The following AFAP1L2 variants were observed in gnomAD, a reference collection of about 807,000 sequenced individuals.
The protein encoded by AFAP1L2 is actin filament associated protein 1 like 2.
AFAP1L2 carries 46 observed loss-of-function variants against 99.3 expected under a neutral mutation model. The observed-to-expected ratio is 0.46, with a 90% CI of 0.37 to 0.59. AFAP1L2 has a LOEUF of 0.59. Ranked by LOEUF, AFAP1L2 falls within the 20% of genes least tolerant of loss-of-function variation. The pLI is 0.00. For missense variants in AFAP1L2, 959 were observed against 1,034.9 expected, an observed-to-expected ratio of 0.93 and a Z score of 1.01; for synonymous variants, 397 against 419.1, an observed-to-expected ratio of 0.95 and a Z score of 0.64.
chr10:114,296,361 A>G lies in AFAP1L2; in HGVS notation c.2431-293T>C, dbSNP rs2040229476. 4 of 436,234 alleles carry G rather than the reference A, an allele frequency of 9.2e-6. No individual in the cohort carries two copies. The Middle Eastern group carries it at 1.9e-3, about 208-fold the overall frequency. 27.0% of individuals were successfully genotyped at this position (436,234 alleles called of 1,614,324 possible). ...GTTAGCCATTGTTGTGGGACCTCCA[A>G]ATATCTCCAGCAGGTAAGGAGGATA... is the stretch of plus-strand genomic sequence containing the variant. On this transcript the variant is annotated intron_variant, in intron 18 of 18. Transcript: ENST00000304129.
Position 114,323,171 on chromosome 10 carries a change from C to T in AFAP1L2, c.406G>A (p.Glu136Lys). The T allele has an allele frequency of 6.3e-7, 1 of 1,592,146 alleles. No individual in the cohort carries two copies. The highest frequency in any genetic ancestry group is 1.1e-5 in the South Asian group (1 of 87,528). ...EAEPYDTSLN[E>K]DGEAVSSSYE... is the part of the protein sequence containing the mutation. Reference sequence around the variant, plus strand: ...CCAAGCCCCAGCCGCTGGGATGTACCATTGAGGGATGTGTCATATGGCTCA... The same window carrying T: ...CCAAGCCCCAGCCGCTGGGATGTACTATTGAGGGATGTGTCATATGGCTCA... The change falls in exon 5 of 19, where the codon GAG becomes AAG. Residue 136 changes from glutamate to lysine, a missense_variant and splice_region_variant. Glu to Lys is a moderately conservative substitution (Grantham distance 56, BLOSUM62 1). Around this residue, in one of 2 missense-constraint regions of AFAP1L2, gnomAD observed 383 missense variants for 472.8 expected, o/e 0.81. Transcript: ENST00000304129.
chr10:114,305,107 G>C, intron 10 of AFAP1L2, 177 bp from the exon 11 acceptor site: 1 of 622,446 alleles, frequency 1.6e-6, no homozygotes, highest in Admixed American at 2.3e-5. Context: ...AGATGCAGGA[G>C]GGGACCGGGC....
At chr10:114,302,159 C>T in intron 12 of AFAP1L2, 180 bp downstream of exon 12, 1 of 932,094 alleles carries the variant, frequency 1.1e-6, no homozygotes, top group Non-Finnish European at 1.6e-6. Flanking sequence ...GCTCTTAGCT[C>T]AGCTCCTGGC....
intron 16 of AFAP1L2, 131 bp downstream of exon 16, chr10:114,299,129 C>T: frequency 9.3e-7 from 1 of 1,077,844 alleles, no homozygotes; most frequent in Admixed American, 2.2e-5. Flanking sequence ...GAGCACCCAC[C>T]CAGGCCAAGG....
At chr10:114,389,372 G>A (rs868842075) in intron 1 of AFAP1L2, among the ~76,000 whole-genome samples, 1 of 152,370 alleles carries the variant, frequency 6.6e-6, no homozygotes, top group South Asian at 2.1e-4. Context: ...GAAGTGGGGA[G>A]AGGGAGTGTA....
chr10:114,285,699 T>G, the AFAP1L2 span, among the ~76,000 whole-genome samples: 2 of 152,072 alleles, frequency 1.3e-5, no homozygotes, highest in Admixed American at 1.3e-4. Context: ...TGGAAAAAAG[T>G]GATAATGTAG....
At chr10:114,320,680 C>T (rs1442303277) in intron 5 of AFAP1L2, among the ~76,000 whole-genome samples, 1 of 152,206 alleles carries the variant, frequency 6.6e-6, no homozygotes, top group Non-Finnish European at 1.5e-5. Context: ...AATATGAACT[C>T]ACAGTTGAGA....
intron 15 of AFAP1L2, among the ~76,000 whole-genome samples, chr10:114,299,935 G>A (rs1351025499): frequency 6.6e-6 from 1 of 152,080 alleles, no homozygotes; most frequent in Non-Finnish European, 1.5e-5. Context: ...AGGGGCTCTC[G>A]GGCCTTTGGC....
downstream of AFAP1L2, chr10:114,290,396 G>C: frequency 6.5e-7 from 1 of 1,548,866 alleles, no homozygotes; most frequent in Non-Finnish European, 8.7e-7. Context: ...GTATGTGTGA[G>C]CCAGGGATGG....
At position 114,307,830 on chromosome 10, in the gene AFAP1L2, A is replaced by G; in HGVS notation, c.1047T>C (p.Pro349=). 1.2e-6 allele frequency: 2 copies of G among 1,614,074 alleles called. No homozygotes were observed. Among genetic ancestry groups the G allele is most frequent in the Non-Finnish European group, 8.5e-7 (1 of 1,180,014 alleles). Residue 349 remains proline, a synonymous_variant, in exon 10 of 19, where the codon CCT becomes CCC. Transcript: ENST00000304129. ...TGGATGTCTCGAGGGACCTCTCCAC[A>G]GGCTCCAGTGAGGTGGATTTCTTCC... ...LGRKKSTSLE[P]VERSLETSSY...
chr10:114,336,084 AGAGAAAACTCACACTGGCCACTTCAT>A (rs1304938772), intron 2 of AFAP1L2, among the ~76,000 whole-genome samples: 2 of 152,244 alleles, frequency 1.3e-5, no homozygotes, highest in African/African-American at 4.8e-5. Flanking sequence ...TGTAAGTTGC[AGAGAAAACTCACACTGGCCACTTCAT>A]GAGGGTGCAT....
chr10:114,300,162 G>A (rs969108168), intron 15 of AFAP1L2, 32 bp downstream of exon 15: 5 of 1,613,800 alleles, frequency 3.1e-6, no homozygotes, highest in African/African-American at 1.3e-5. Flanking sequence ...TAATACAGAT[G>A]GAATCGGGCT....
rs539608893 is a variant in AFAP1L2 at position 114,330,740 on chromosome 10, T to C, written c.315+1063A>G. Among the ~76,000 whole-genome samples, 5 of 152,320 alleles carry C rather than the reference T, an allele frequency of 3.3e-5. No individual in the cohort carries two copies. The East Asian group carries it at 9.6e-4, about 29-fold the overall frequency. On this transcript the variant is annotated intron_variant, in intron 4 of 18. Transcript: ENST00000304129. ...GATTTTACAACTCCATCCACATTAA[T>C]GGATATTTAGGTATGGCCTACATCT...
chr10:114,313,650 T>G (rs2043621912), intron 7 of AFAP1L2, among the ~76,000 whole-genome samples: 1 of 152,098 alleles, frequency 6.6e-6, no homozygotes, highest in Admixed American at 6.5e-5. Context: ...GGGAAATGGA[T>G]TTCAACTGCA....
At position 114,323,210 on chromosome 10, in the gene AFAP1L2, A is replaced by G; in HGVS notation, c.367T>C (p.Tyr123His). 6.2e-7 allele frequency: 1 copy of G among 1,603,066 alleles called. No individual in the cohort carries two copies. Among genetic ancestry groups the G allele is most frequent in the South Asian group, 1.1e-5 (1 of 88,780 alleles). ...AIPKTESPEG[Y>H]YEEAEPYDTS... ...TCATATGGCTCAGCCTCTTCATAGT[A>G]GCCCTCTGGAGACTCCGTCTTTGGG... The change falls in exon 5 of 19, where the codon TAC (tyrosine) becomes CAC (histidine). Residue 123 changes from tyrosine to histidine, a missense_variant. Physicochemically the swap from Tyr to His is moderately conservative, Grantham distance 83. Transcript: ENST00000304129.
intron 1 of AFAP1L2, among the ~76,000 whole-genome samples, chr10:114,387,063 T>C (rs2056593907): frequency 6.6e-6 from 1 of 152,212 alleles, no homozygotes; most frequent in African/African-American, 2.4e-5. Flanking sequence ...TGGGTCTCCA[T>C]GGCCAGGGGA....
Position 114,315,524 on chromosome 10 carries a change from G to T in AFAP1L2, c.612+36C>A, listed in dbSNP as rs748169174. 11 of 1,604,404 alleles carry T rather than the reference G, an allele frequency of 6.9e-6. No individual in the cohort carries two copies. The South Asian group carries it at 9.9e-5, about 14-fold the overall frequency. On this transcript the variant is annotated intron_variant, in intron 6 of 18. Coordinates refer to ENST00000304129, the MANE Select transcript of AFAP1L2 (RefSeq NM_001001936.3). ...TGTCCCTGCCCCTTCCCCAAGGAGA[G>T]GAGTCGGGGGACAAGACGACGTAAG...
chr10:114,320,606 C>G (rs1398200315), intron 5 of AFAP1L2, among the ~76,000 whole-genome samples: 2 of 152,252 alleles, frequency 1.3e-5, no homozygotes, highest in African/African-American at 4.8e-5. Flanking sequence ...TGGAGCTTTC[C>G]TGACCCACTC....
chr10:114,374,632 G>C (rs1181312046), intron 1 of AFAP1L2, among the ~76,000 whole-genome samples: 1 of 151,890 alleles, frequency 6.6e-6, no homozygotes, highest in Non-Finnish European at 1.5e-5. Flanking sequence ...GGAGCTGCCA[G>C]AGTCCTGAAC....
Sources: allele counts gnomAD v4.1 joint callset (sites outside exome capture counted in the v4.1 genomes callset), GRCh38; gene constraint gnomAD v4.1.1; regional missense constraint gnomAD v4.1.1; transcripts MANE v1.5; gene names NCBI Gene and HGNC (gene_info 2026-07-23, HGNC 2026-07-21).